The following STAB2 variants were observed in gnomAD, a reference collection of about 807,000 sequenced individuals.
STAB2 encodes the protein stabilin 2, also known as stabilin-2.
A neutral mutation model predicts 338.1 loss-of-function variants in STAB2; 288 were observed. The ratio of observed to expected loss-of-function variants is 0.85; its 90% confidence interval spans 0.77 to 0.94. The LOEUF (loss-of-function observed/expected upper bound fraction) is 0.94, where lower values mean the gene tolerates loss of function less well. STAB2 is among the 40% of genes least tolerant of loss of function. The probability of loss-of-function intolerance (pLI) is 0.00; values close to 1 mark genes in which losing one functional copy is unlikely to be tolerated. For missense variants in STAB2, 3,141 were observed against 3,210.1 expected (o/e 0.98, Z 0.52); for synonymous variants, 1,202 against 1,193.3 (o/e 1.01, Z -0.15).
At position 103,655,586 on chromosome 12, in the gene STAB2, C is replaced by G; in HGVS notation, c.1734+5C>G. 2 of 1,613,474 alleles carry G rather than the reference C, an allele frequency of 1.2e-6. No homozygotes were observed. Among genetic ancestry groups the G allele is most frequent in the Non-Finnish European group, 1.7e-6 (2 of 1,179,828 alleles). ...GATTACCTCCTTTCTCCAGAGGTAC[C>G]GTATTCTGCTTGCTCTGATGGCATC... On this transcript the variant is annotated splice_donor_5th_base_variant and intron_variant, in intron 15 of 68. Transcript: ENST00000388887.
chr12:103,688,431 A>G (rs1877627010), intron 28 of STAB2, among the ~76,000 whole-genome samples: 1 of 152,154 alleles, frequency 6.6e-6, no homozygotes, highest in South Asian at 2.1e-4. Flanking sequence ...GATGTGATTG[A>G]TCAGAGGTTT....
chr12:103,751,996 T>C (rs1261044863), intron 60 of STAB2, among the ~76,000 whole-genome samples: 2 of 152,122 alleles, frequency 1.3e-5, no homozygotes, highest in African/African-American at 2.4e-5. Context: ...ACACAGTTCA[T>C]AGGAGGGCAA....
intron 33 of STAB2, among the ~76,000 whole-genome samples, chr12:103,697,702 T>C (rs1451889055): frequency 6.6e-6 from 1 of 152,130 alleles, no homozygotes; most frequent in Non-Finnish European, 1.5e-5. Context: ...AACTGAGAAT[T>C]TGATAGAATG....
At position 103,740,909 on chromosome 12, in the gene STAB2, A is replaced by T. The variant is rs577067588; in HGVS notation, c.5881+153A>T. ...CCAGAACTCTGAAGAGTTGTGTATC[A>T]TTCCTTCTACTTTGGCATATTTTTT... On this transcript the variant is annotated intron_variant, in intron 55 of 68. Transcript: ENST00000388887. Among the ~76,000 whole-genome samples, 112 of 152,274 alleles carry T rather than the reference A, an allele frequency of 7.4e-4. 2 individuals are homozygous for T. The Middle Eastern group carries it at 0.01, about 14-fold the overall frequency.
In STAB2 at chr12:103,699,076, C is replaced by T. The variant is rs1195024315; in HGVS notation, c.3583-20C>T. 3 of 1,598,358 alleles carry T rather than the reference C, an allele frequency of 1.9e-6. No homozygotes were observed. The African/African-American group carries it at 4.0e-5, about 21-fold the overall frequency. ...TCAGGCTGATCTCTTGACTGACTTC[C>T]AATTCTGTGTGTGATCCAGGAGGAG... On this transcript the variant is annotated intron_variant, in intron 33 of 68. Coordinates refer to ENST00000388887, the MANE Select transcript of STAB2 (RefSeq NM_017564.10).
At chr12:103,605,405 C>T (rs1053065958) in intron 3 of STAB2, among the ~76,000 whole-genome samples, 1 of 139,282 alleles carries the variant, frequency 7.2e-6, no homozygotes, top group African/African-American at 3.1e-5. Flanking sequence ...CTTTAGATGC[C>T]GTATTCTGTA....
intron 5 of STAB2, among the ~76,000 whole-genome samples, chr12:103,624,663 G>A (rs1408532578): frequency 6.6e-6 from 1 of 152,196 alleles, no homozygotes; most frequent in Admixed American, 6.5e-5. Context: ...TATTGGAGCT[G>A]GGCTCAGTGG....
chr12:103,670,858 C>T (rs772840252), intron 22 of STAB2, 51 bp downstream of exon 22: 3 of 1,490,390 alleles, frequency 2.0e-6, no homozygotes, highest in African/African-American at 1.4e-5. Context: ...GGTTCCCTCT[C>T]GTGCTGCAGC....
At chr12:103,708,272 C>G (rs1271510464) in intron 38 of STAB2, among the ~76,000 whole-genome samples, 169 bp from the exon 39 acceptor site, 8 of 152,240 alleles carry the variant, frequency 5.3e-5, no homozygotes, top group Non-Finnish European at 1.0e-4. Context: ...TTGCTAGATT[C>G]TGTCTCCTGC....
chr12:103,640,934 G>C (rs1872880758), intron 9 of STAB2, among the ~76,000 whole-genome samples: 1 of 152,190 alleles, frequency 6.6e-6, no homozygotes, highest in South Asian at 2.1e-4. Flanking sequence ...GATTACATGA[G>C]AGAATGTTTC....
intron 9 of STAB2, among the ~76,000 whole-genome samples, chr12:103,642,065 C>A (rs1159132316): frequency 6.6e-6 from 1 of 152,220 alleles, no homozygotes; most frequent in Non-Finnish European, 1.5e-5. Flanking sequence ...ACCACTCCCC[C>A]TGGGGTGACC....
chr12:103,699,323 C>G, intron 34 of STAB2, 96 bp downstream of exon 34: 2 of 1,457,896 alleles, frequency 1.4e-6, no homozygotes, highest in South Asian at 2.7e-5. Flanking sequence ...CATCCTTCAT[C>G]ACTTCTGTAT....
At chr12:103,642,952 A>C (rs1488130610) in intron 9 of STAB2, among the ~76,000 whole-genome samples, 2 of 152,224 alleles carry the variant, frequency 1.3e-5, no homozygotes, top group Non-Finnish European at 2.9e-5. Flanking sequence ...GTTCTGCTGA[A>C]CTACTTATTA....
At chr12:103,726,263 C>G in intron 46 of STAB2, 100 bp downstream of exon 46, 1 of 1,264,976 alleles carries the variant, frequency 7.9e-7, no homozygotes, top group Non-Finnish European at 1.1e-6. Context: ...CCAAGGCGGG[C>G]AGATTGCCTG....
chr12:103,619,579 C>CCTCTATTAGGA (rs1957264559), intron 3 of STAB2, among the ~76,000 whole-genome samples: 1 of 151,912 alleles, frequency 6.6e-6, no homozygotes, highest in South Asian at 2.1e-4. Context: ...TAGTGAATGT[C>CCTCTATTAGGA]CTCTAATAAA....
In STAB2 at chr12:103,677,327, C is replaced by T. The variant is rs1446406815; in HGVS notation, c.2647-126C>T. 4 of 1,295,208 alleles carry T rather than the reference C, an allele frequency of 3.1e-6. No homozygotes were observed. In the African/African-American group the frequency reaches 5.9e-5, roughly 19 times the overall value. 80.2% of individuals were successfully genotyped at this position (1,295,208 alleles called of 1,614,324 possible). A position where few individuals can be genotyped will look rare whatever the true frequency, so the allele number is the denominator to read the frequency against. On this transcript the variant is annotated intron_variant, in intron 24 of 68. Transcript: ENST00000388887. ...TTCATGAATCTCAATGTAAATTAAGCATTTCCACCTCACTCAATGCAAATC... is the reference window on the plus strand; with the variant it reads ...TTCATGAATCTCAATGTAAATTAAGTATTTCCACCTCACTCAATGCAAATC...
At chr12:103,658,937 A>T (rs1451128591) in intron 15 of STAB2, among the ~76,000 whole-genome samples, 1 of 152,186 alleles carries the variant, frequency 6.6e-6, no homozygotes, top group Non-Finnish European at 1.5e-5. Context: ...CCACTGGAGC[A>T]TCAGAGCATG....
chr12:103,761,299 G>A lies in STAB2; in HGVS notation c.7249-1G>A. On this transcript the variant is annotated splice_acceptor_variant, in intron 65 of 68. Transcript: ENST00000388887. LOFTEE classifies it high-confidence loss of function. ...CATCAACCCTCTTCTCATTTCCCTA[G>A]ACGGAGACCAGGTTTGTTGATGGAA... 1 of 1,613,912 alleles carries A rather than the reference G, an allele frequency of 6.2e-7. No individual in the cohort carries two copies. The highest frequency in any genetic ancestry group is 8.5e-7 in the Non-Finnish European group (1 of 1,179,866).
At chr12:103,676,304 A>G (rs1409128707) in intron 24 of STAB2, among the ~76,000 whole-genome samples, 5 of 151,782 alleles carry the variant, frequency 3.3e-5, no homozygotes, top group Non-Finnish European at 5.9e-5. Context: ...TGATCTGCCC[A>G]CCTTGGCCTC....
Sources: gnomAD v4.1 joint callset for allele counts (sites outside exome capture counted in the v4.1 genomes callset) on GRCh38, gnomAD v4.1.1 for gene constraint, MANE v1.5 for transcripts, NCBI Gene and HGNC (gene_info 2026-07-23, HGNC 2026-07-21) for gene names.